The following PAM variants were observed in gnomAD, a reference collection of about 807,000 sequenced individuals.
PAM encodes the protein peptidylglycine alpha-amidating monooxygenase.
PAM carries 72 observed loss-of-function variants against 122.1 expected under a neutral mutation model. That is an observed-to-expected ratio of 0.59 (90% CI 0.49 to 0.72). PAM has a LOEUF of 0.72. Ranked by LOEUF, PAM falls within the 30% of genes least tolerant of loss-of-function variation. PAM has a pLI of 0.00. For missense variants in PAM, 1,106 were observed against 1,183.7 expected (o/e 0.93, Z 0.96); for synonymous variants, 389 against 404.4 (o/e 0.96, Z 0.46).
At chr5:102,783,174 A>G (rs1172114354) in intron 1 of PAM, among the ~76,000 whole-genome samples, 2 of 151,972 alleles carry the variant, frequency 1.3e-5, no homozygotes, top group East Asian at 1.9e-4. Context: ...AGGATCAGCT[A>G]CACAGTTTGT....
At chr5:102,984,741 C>T (rs569392486) in intron 15 of PAM, among the ~76,000 whole-genome samples, 1 of 152,262 alleles carries the variant, frequency 6.6e-6, no homozygotes, top group South Asian at 2.1e-4. Context: ...GCCTAACAGA[C>T]ATTTACAGAA....
At position 102,916,972 on chromosome 5, in the gene PAM, G is replaced by A. The variant is rs190643460; in HGVS notation, c.356+2951G>A. Among the ~76,000 whole-genome samples the A allele has an allele frequency of 5.6e-3, 855 of 151,936 alleles. 10 individuals carry two copies. Among genetic ancestry groups the A allele is most frequent in the African/African-American group, 0.019 (779 of 41,442 alleles). ...GGTCTCGAGCCCCCTGACCTCAAGT[G>A]ATTCACCCACCTTGGCCTCCCAAAG... is the stretch of plus-strand genomic sequence containing the variant. On this transcript the variant is annotated intron_variant, in intron 5 of 25. Coordinates refer to ENST00000438793, the MANE Select transcript of PAM (RefSeq NM_001177306.2).
chr5:102,964,958 A>G (rs895583430), intron 14 of PAM, among the ~76,000 whole-genome samples: 3 of 151,888 alleles, frequency 2.0e-5, no homozygotes, highest in African/African-American at 7.2e-5. Context: ...GTCTGCCTAC[A>G]GGGAGAAAAA....
At chr5:103,028,588 G>A (rs1183456254) in intron 25 of PAM, among the ~76,000 whole-genome samples, 5 of 152,160 alleles carry the variant, frequency 3.3e-5, no homozygotes, top group Admixed American at 6.5e-5. Context: ...TTGAAATGAG[G>A]AGCTGCTCCA....
At chr5:102,759,736 C>T (rs1561367826) in intron 1 of PAM, among the ~76,000 whole-genome samples, 1 of 152,034 alleles carries the variant, frequency 6.6e-6, no homozygotes, top group South Asian at 2.1e-4. Context: ...AAACCTTAAA[C>T]GGACAAGCAA....
At chr5:102,871,088 G>A (rs116696232) in intron 3 of PAM, among the ~76,000 whole-genome samples, 145 of 152,276 alleles carry the variant, frequency 9.5e-4, no homozygotes, top group African/African-American at 3.3e-3. Context: ...TCAAATCCAG[G>A]GGTTAAACAG....
Position 102,983,158 on chromosome 5 carries a change from C to T in PAM, c.1484-7114C>T, listed in dbSNP as rs112874572. 7.7e-3 allele frequency among the ~76,000 whole-genome samples: 1,165 copies of T among 151,812 alleles called. 21 individuals carry two copies. Among genetic ancestry groups the T allele is most frequent in the African/African-American group, 0.026 (1,059 of 41,404 alleles). On this transcript the variant is annotated intron_variant, in intron 15 of 25. Coordinates refer to ENST00000438793, the MANE Select transcript of PAM (RefSeq NM_001177306.2). Reference sequence around the variant, plus strand: ...TATGAAGACATCTTTTAAAATAACCCGGTAAGGCCAGGCATGGTGGCTTAT... The same window carrying T: ...TATGAAGACATCTTTTAAAATAACCTGGTAAGGCCAGGCATGGTGGCTTAT...
intron 21 of PAM, among the ~76,000 whole-genome samples, chr5:103,010,917 C>G (rs1007764379): frequency 5.3e-5 from 8 of 152,054 alleles, no homozygotes; most frequent in Non-Finnish European, 1.0e-4. Context: ...AGCATTTATC[C>G]TTTGTGTTAC....
At chr5:102,796,019 A>G (rs908672636) in intron 1 of PAM, among the ~76,000 whole-genome samples, 3 of 152,200 alleles carry the variant, frequency 2.0e-5, no homozygotes, top group Admixed American at 1.3e-4. Context: ...CTTCTAAATG[A>G]TCCAAACAAA....
intron 11 of PAM, 32 bp from the exon 12 acceptor site, chr5:102,950,684 AT>A (rs1428052420): frequency 8.1e-7 from 1 of 1,237,266 alleles, no homozygotes. Context: ...TATTGGTAAT[AT>A]TAATGATTCA....
At chr5:102,963,237 C>G (rs765034162) in intron 14 of PAM, among the ~76,000 whole-genome samples, 5 of 151,990 alleles carry the variant, frequency 3.3e-5, no homozygotes, top group South Asian at 2.1e-4. Flanking sequence ...ACCAAATGCA[C>G]ATTTGTACAC....
At position 102,791,815 on chromosome 5, in the gene PAM, C is replaced by T. The variant is rs111248656; in HGVS notation, c.-374+36467C>T. Among the ~76,000 whole-genome samples, 338 of 152,136 alleles carry T rather than the reference C, an allele frequency of 2.2e-3. 1 individual carries two copies. The highest frequency in any genetic ancestry group is 7.6e-3 in the African/African-American group (317 of 41,516). ...GTATTTAGTCTTACAATAGATAAAC[C>T]AGGTAGTTTCACATAGCCTGTTTCT... On this transcript the variant is annotated intron_variant, in intron 1 of 25. Transcript: ENST00000438793.
chr5:102,844,461 G>T (rs1240589824), intron 1 of PAM, among the ~76,000 whole-genome samples: 1 of 152,084 alleles, frequency 6.6e-6, no homozygotes, highest in Admixed American at 6.6e-5. Flanking sequence ...GGCCACAAGA[G>T]ATTGAGACCA....
chr5:102,781,608 T>C (rs1758962247), intron 1 of PAM, among the ~76,000 whole-genome samples: 1 of 152,212 alleles, frequency 6.6e-6, no homozygotes, highest in Non-Finnish European at 1.5e-5. Context: ...AGCCAGGCTA[T>C]ATTTATAAAA....
At chr5:102,841,245 T>C (rs912364757) in intron 1 of PAM, among the ~76,000 whole-genome samples, 2 of 152,210 alleles carry the variant, frequency 1.3e-5, no homozygotes, top group East Asian at 3.8e-4. Context: ...ATTGCTGGGT[T>C]ACTACTATCT....
rs1650500 is a variant in PAM, at chr5:102,982,057, C to T, written c.1483+7621C>T. Among the ~76,000 whole-genome samples the T allele has an allele frequency of 4.9e-3, 740 of 152,158 alleles. 4 individuals are homozygous for T. The highest frequency in any genetic ancestry group is 9.0e-3 in the Non-Finnish European group (611 of 67,976). On this transcript the variant is annotated intron_variant, in intron 15 of 25. Coordinates refer to ENST00000438793, the MANE Select transcript of PAM (RefSeq NM_001177306.2). ...CACTGCCCCTGCCAGTGCCTGCCCA[C>T]ATCATTGAGGCCTGGGTACCAACCC...
At chr5:102,799,493 T>A (rs968060474) in intron 1 of PAM, among the ~76,000 whole-genome samples, 1 of 152,220 alleles carries the variant, frequency 6.6e-6, no homozygotes, top group African/African-American at 2.4e-5. Context: ...TTTAACTATT[T>A]CAAGGCTGGT....
intron 1 of PAM, among the ~76,000 whole-genome samples, chr5:102,786,610 G>A (rs9654514): frequency 0.027 from 4,149 of 152,106 alleles, 206 homozygotes; most frequent in African/African-American, 0.095. Context: ...ATGGAGAAAG[G>A]CATCACAAAT....
rs115501380 is a variant in PAM, at chr5:102,982,123, A to G, written c.1483+7687A>G. Among the ~76,000 whole-genome samples the G allele has an allele frequency of 3.9e-3, 599 of 151,928 alleles. 2 individuals carry two copies. Among genetic ancestry groups the G allele is most frequent in the African/African-American group, 0.014 (564 of 41,430 alleles). On this transcript the variant is annotated intron_variant, in intron 15 of 25. Coordinates refer to ENST00000438793, the MANE Select transcript of PAM (RefSeq NM_001177306.2). ...AGACACATTGTCCAGGGATCTGAGG[A>G]TTCACCCGCCCTGTCTACCACCACT...
Sources: allele counts gnomAD v4.1 joint callset (sites outside exome capture counted in the v4.1 genomes callset), GRCh38; gene constraint gnomAD v4.1.1; transcripts MANE v1.5; gene names NCBI Gene and HGNC (gene_info 2026-07-23, HGNC 2026-07-21).